The following PALLD variants were observed in gnomAD, a reference collection of about 807,000 sequenced individuals.
PALLD encodes the protein palladin.
In PALLD, 61 loss-of-function variants were observed where a neutral mutation model predicts 123.5. The ratio of observed to expected loss-of-function variants is 0.49; its 90% confidence interval spans 0.40 to 0.61. The LOEUF (loss-of-function observed/expected upper bound fraction) is 0.61, where lower values mean the gene tolerates loss of function less well. Ranked by LOEUF, PALLD falls within the 20% of genes least tolerant of loss-of-function variation. The probability of loss-of-function intolerance (pLI) is 0.00; values close to 1 mark genes in which losing one functional copy is unlikely to be tolerated. For synonymous variants in PALLD, 465 were observed against 496.4 expected, an observed-to-expected ratio of 0.94 and a Z score of 0.84; for missense variants, 1,273 against 1,377.0, an observed-to-expected ratio of 0.92 and a Z score of 1.20.
intron 10 of PALLD, among the ~76,000 whole-genome samples, chr4:168,857,811 G>T (rs1048509039): frequency 1.3e-5 from 2 of 152,190 alleles, no homozygotes; most frequent in African/African-American, 4.8e-5. Context: ...TATTACAAAA[G>T]AACCTAAGAA....
chr4:168,683,059 G>A lies in PALLD; in HGVS notation c.1216G>A (p.Val406Met). The change falls in exon 5 of 22, where the codon GTG becomes ATG. Residue 406 changes from valine (V) to methionine (M), a missense_variant. By Grantham distance (21) the Val-to-Met change is conservative. Transcript: ENST00000505667. ...AGGATCATCATCTCCAAAGACAGGG[G>A]TGACCACAGCTGTGATTCAACCACT... is the stretch of plus-strand genomic sequence containing the variant. ...TIGSSSPKTG[V>M]TTAVIQPLSV... 6.2e-7 allele frequency: 1 copy of A among 1,613,224 alleles called. No individual in the cohort carries two copies.
intron 2 of PALLD, among the ~76,000 whole-genome samples, chr4:168,539,277 A>G (rs575277508): frequency 2.6e-5 from 4 of 152,284 alleles, no homozygotes; most frequent in South Asian, 2.1e-4. Flanking sequence ...CCCCACGTCA[A>G]GGGGTTTCAG....
At chr4:168,835,464 G>C (rs72701884) in intron 10 of PALLD, among the ~76,000 whole-genome samples, 12,091 of 152,182 alleles carry the variant, frequency 0.079, 595 homozygotes, top group Middle Eastern at 0.16. Flanking sequence ...GACCAGATTT[G>C]AGAAAAAGCT....
chr4:168,847,694 G>A (rs564083524), intron 10 of PALLD, among the ~76,000 whole-genome samples: 1 of 151,898 alleles, frequency 6.6e-6, no homozygotes, highest in East Asian at 1.9e-4. Context: ...TTTAATTTTT[G>A]TGGGTACATA....
Position 168,889,138 on chromosome 4 carries a change from TTGTG to T in PALLD, c.1965-1759_1965-1756del, listed in dbSNP as rs143065658. ...TAAAGTTTTGTTTGTTTGCTTTATTTTGTGTGTGTGTGTGTGTGTGTGTGTGTGG... is the reference window on the plus strand; with the variant it reads ...TAAAGTTTTGTTTGTTTGCTTTATTTTGTGTGTGTGTGTGTGTGTGTGTGG... On this transcript the variant is annotated intron_variant, in intron 10 of 21. Transcript: ENST00000505667. 1.2e-3 allele frequency among the ~76,000 whole-genome samples: 159 copies of T among 132,252 alleles called. 1 individual carries two copies. Among genetic ancestry groups the T allele is most frequent in the African/African-American group, 3.9e-3 (138 of 35,812 alleles). 86.8% of individuals were successfully genotyped at this position (132,252 alleles called of 152,430 possible). A position where few individuals can be genotyped will look rare whatever the true frequency, so the allele number is the denominator to read the frequency against.
intron 2 of PALLD, among the ~76,000 whole-genome samples, chr4:168,547,639 C>A (rs1032538261): frequency 6.7e-6 from 1 of 148,552 alleles, no homozygotes; most frequent in Admixed American, 6.7e-5. Flanking sequence ...GAGGTTGAGG[C>A]GCAAGAATTG....
intron 10 of PALLD, among the ~76,000 whole-genome samples, chr4:168,863,491 C>T (rs1749797140): frequency 6.6e-6 from 1 of 152,212 alleles, no homozygotes; most frequent in Non-Finnish European, 1.5e-5. Context: ...AGGGCGGAGA[C>T]AGGCAAAGAG....
chr4:168,513,415 T>C (rs931426904), intron 2 of PALLD, among the ~76,000 whole-genome samples: 1 of 152,182 alleles, frequency 6.6e-6, no homozygotes, highest in Non-Finnish European at 1.5e-5. Flanking sequence ...GACTTCATTG[T>C]AGAGTTTATA....
chr4:168,757,495 C>T (rs1732050646), intron 10 of PALLD, among the ~76,000 whole-genome samples: 1 of 152,212 alleles, frequency 6.6e-6, no homozygotes. Context: ...TAATTTAAAT[C>T]TATTATGAGA....
chr4:168,770,785 G>A (rs917180912), intron 10 of PALLD, among the ~76,000 whole-genome samples: 6 of 152,100 alleles, frequency 3.9e-5, no homozygotes, highest in African/African-American at 1.2e-4. Context: ...TGGGCTGGGC[G>A]CCATGGCTCA....
chr4:168,741,672 C>T (rs892562298), intron 10 of PALLD, among the ~76,000 whole-genome samples: 3 of 151,854 alleles, frequency 2.0e-5, no homozygotes, highest in Non-Finnish European at 4.4e-5. Context: ...CGACAGAGTA[C>T]AATCCTATCT....
intron 10 of PALLD, among the ~76,000 whole-genome samples, chr4:168,822,779 A>G (rs935357425): frequency 6.6e-6 from 1 of 152,158 alleles, no homozygotes; most frequent in African/African-American, 2.4e-5. Context: ...TCAACAGCTG[A>G]TTTTTGTCTC....
chr4:168,631,629 G>A (rs1580671960), intron 2 of PALLD: 4 of 985,528 alleles, frequency 4.1e-6, no homozygotes, highest in Non-Finnish European at 4.8e-6. Flanking sequence ...TCGCGCGCTG[G>A]AGACCGGCGG....
In PALLD at chr4:168,511,496, C is replaced by G. The variant is rs199737120; in HGVS notation, c.-9C>G. ...AAGCAGACACAGAGTGCATGAAGAC[C>G]GTTCAAATATGTCAGGGACCTCCTC... On this transcript the variant is annotated 5_prime_UTR_variant, in exon 2 of 22. Transcript: ENST00000505667. 1 of 1,609,386 alleles carries G rather than the reference C, an allele frequency of 6.2e-7. No individual in the cohort carries two copies. Among genetic ancestry groups the G allele is most frequent in the East Asian group, 2.2e-5 (1 of 44,852 alleles).
chr4:168,731,698 T>C (rs567529724), intron 10 of PALLD, among the ~76,000 whole-genome samples: 68 of 152,382 alleles, frequency 4.5e-4, no homozygotes, highest in African/African-American at 1.6e-3. Context: ...TGCTGAGTTT[T>C]CTTCCTCCAC....
chr4:168,817,578 A>G (rs773305064), intron 10 of PALLD, among the ~76,000 whole-genome samples: 3 of 152,210 alleles, frequency 2.0e-5, no homozygotes, highest in Non-Finnish European at 2.9e-5. Context: ...CCAACTCTCC[A>G]GAGTGGCCAA....
At chr4:168,735,261 C>G (rs1787624253) in intron 10 of PALLD, among the ~76,000 whole-genome samples, 2 of 152,174 alleles carry the variant, frequency 1.3e-5, no homozygotes, top group African/African-American at 4.8e-5. Context: ...CCTCACTGCT[C>G]TCGCCCCACT....
chr4:168,505,488 T>C (rs1761913336), intron 1 of PALLD, among the ~76,000 whole-genome samples: 1 of 152,252 alleles, frequency 6.6e-6, no homozygotes, highest in Non-Finnish European at 1.5e-5. Context: ...TAAAAAGCAA[T>C]TGAATTAATA....
chr4:168,916,383 C>T (rs1582155324), intron 17 of PALLD, among the ~76,000 whole-genome samples: 1 of 152,112 alleles, frequency 6.6e-6, no homozygotes, highest in South Asian at 2.1e-4. Flanking sequence ...GAATTCCAGC[C>T]TGGGTGACAG....
Sources: gnomAD v4.1 joint callset for allele counts (sites outside exome capture counted in the v4.1 genomes callset) on GRCh38, gnomAD v4.1.1 for gene constraint, MANE v1.5 for transcripts, NCBI Gene and HGNC (gene_info 2026-07-23, HGNC 2026-07-21) for gene names.